Variants in SLC35E1 observed in about 807,000 individuals in gnomAD.
SLC35E1 encodes the protein solute carrier family 35 member E1.
SLC35E1 carries 12 observed loss-of-function variants against 31.0 expected under a neutral mutation model. The observed-to-expected ratio is 0.39, with a 90% CI of 0.25 to 0.63. The LOEUF (loss-of-function observed/expected upper bound fraction) is 0.63, where lower values mean the gene tolerates loss of function less well. Ranked by LOEUF, SLC35E1 falls within the 20% of genes least tolerant of loss-of-function variation. The pLI is 0.52. For missense variants in SLC35E1, 429 were observed against 572.2 expected (o/e 0.75, Z 2.55); for synonymous variants, 257 against 264.1 (o/e 0.97, Z 0.26).
In SLC35E1 at chr19:16,561,213, CAAAAAAAAA is replaced by C. The variant is rs59176175; in HGVS notation, c.756+5310_756+5318del. Among the ~76,000 whole-genome samples, 60 of 24,746 alleles carry C rather than the reference CAAAAAAAAA, an allele frequency of 2.4e-3. No homozygotes were observed. The East Asian group carries it at 0.044, about 18-fold the overall frequency. The allele number at this position is 24,746 out of a possible 152,430, so 16.2% of individuals were successfully genotyped here. A position where few individuals can be genotyped will look rare whatever the true frequency, so the allele number is the denominator to read the frequency against. On this transcript the variant is annotated intron_variant, in intron 4 of 5. Coordinates refer to ENST00000595753, the MANE Select transcript of SLC35E1 (RefSeq NM_024881.5). ...TGGGCAACAGATCAAGACTCCATCT[CAAAAAAAAA>C]AAAAAAAAAAAAAAAAAAAAAGAAA...
In SLC35E1 at chr19:16,571,798, G is replaced by A. The variant is rs1490931047; in HGVS notation, c.421+146C>T. On this transcript the variant is annotated intron_variant, in intron 1 of 5. Transcript: ENST00000595753. The stretch of plus-strand genomic sequence containing the variant: ...TCTTCTCCCTGAGAACCCCGTGCGT[G>A]TCCCTCCCCTACCAAACCCTTGGCA... The A allele has an allele frequency of 6.3e-6, 6 of 952,226 alleles. No homozygotes were observed. The East Asian group carries it at 1.6e-4, about 25-fold the overall frequency. 59.0% of individuals were successfully genotyped at this position (952,226 alleles called of 1,614,324 possible).
intron 4 of SLC35E1, among the ~76,000 whole-genome samples, chr19:16,560,861 C>CA (rs2085901168): frequency 2.9e-5 from 1 of 34,072 alleles, no homozygotes; most frequent in Non-Finnish European, 5.3e-5. Flanking sequence ...GACTCCATCT[C>CA]AAAAACAAAA....
rs2085849918 is a variant in SLC35E1 at position 16,552,348 on chromosome 19, T to TC, written c.*1330_*1331insG. 7.2e-6 allele frequency: 1 copy of TC among 139,138 alleles called. No individual in the cohort carries two copies. The highest frequency in any genetic ancestry group is 2.5e-5 in the African/African-American group (1 of 39,664). 8.6% of individuals were successfully genotyped at this position (139,138 alleles called of 1,614,324 possible). On this transcript the variant is annotated 3_prime_UTR_variant, in exon 6 of 6. Transcript: ENST00000595753. ...CCAGTGGGAACTTGGTTTTGTTTTGTTTTTTTTTTTGAGATGGAGTCTCGC... is the reference window on the plus strand; with the variant it reads ...CCAGTGGGAACTTGGTTTTGTTTTGTCTTTTTTTTTTGAGATGGAGTCTCGC...
chr19:16,557,154 T>C (rs1435649200), intron 4 of SLC35E1: 2 of 344,528 alleles, frequency 5.8e-6, no homozygotes, highest in African/African-American at 4.3e-5. Flanking sequence ...AAAAGATACA[T>C]AATAAAATGG....
intron 3 of SLC35E1, among the ~76,000 whole-genome samples, chr19:16,567,311 G>A (rs1309438892): frequency 6.6e-6 from 1 of 152,072 alleles, no homozygotes; most frequent in Non-Finnish European, 1.5e-5. Context: ...GTGAGCCACT[G>A]CACTAGGCTT....
chr19:16,562,730 T>C (rs1383016047), intron 4 of SLC35E1, among the ~76,000 whole-genome samples: 4 of 152,198 alleles, frequency 2.6e-5, no homozygotes, highest in Admixed American at 6.5e-5. Flanking sequence ...ATTTTTGAGA[T>C]AGGGTCTTGC....
Position 16,555,236 on chromosome 19 carries a change from G to C in SLC35E1, c.918C>G (p.Ser306=). 1 of 1,614,180 alleles carries C rather than the reference G, an allele frequency of 6.2e-7. No homozygotes were observed. The highest frequency in any genetic ancestry group is 8.5e-7 in the Non-Finnish European group (1 of 1,180,034). The change falls in exon 5 of 6, where the codon TCC becomes TCG. Residue 306 remains serine, a synonymous_variant. Coordinates refer to ENST00000595753, the MANE Select transcript of SLC35E1 (RefSeq NM_024881.5). The surrounding 1 kb of genome is among the most constrained non-coding windows in gnomAD (Gnocchi z 4.1). Reference sequence around the variant, plus strand: ...TGACTGGGTTGCGCAGCATGATCAGGGACACCGTGATGACCATGATTCTTT... The same window carrying C: ...TGACTGGGTTGCGCAGCATGATCAGCGACACCGTGATGACCATGATTCTTT... ...ATKRIMVITV[S]LIMLRNPVTS...
At chr19:16,557,858 G>A (rs1191757668) in intron 4 of SLC35E1, among the ~76,000 whole-genome samples, 1 of 152,054 alleles carries the variant, frequency 6.6e-6, no homozygotes, top group Non-Finnish European at 1.5e-5. Flanking sequence ...CTGTCACCTA[G>A]GCTGCAGTGC....
In SLC35E1 at chr19:16,563,746, G is replaced by A. The variant is rs148570017; in HGVS notation, c.756+2786C>T. ...TCCACCTACCTCGGTCTCCTAAAGT[G>A]CTGGGATTCCAGGTGTGAGCCACCA... On this transcript the variant is annotated intron_variant, in intron 4 of 5. Coordinates refer to ENST00000595753, the MANE Select transcript of SLC35E1 (RefSeq NM_024881.5). Among the ~76,000 whole-genome samples, 1,032 of 152,300 alleles carry A rather than the reference G, an allele frequency of 6.8e-3. 12 individuals carry two copies. The highest frequency in any genetic ancestry group is 0.024 in the African/African-American group (984 of 41,566).
chr19:16,561,027 C>T (rs2085902861), intron 4 of SLC35E1, among the ~76,000 whole-genome samples: 1 of 148,226 alleles, frequency 6.7e-6, no homozygotes, highest in East Asian at 2.0e-4. Flanking sequence ...CATGGTGAAA[C>T]CCATCTCTAC....
chr19:16,560,867 C>CAAAAAAAAAACCAAAAAAAAA (rs2085901291), intron 4 of SLC35E1, among the ~76,000 whole-genome samples: 2 of 67,580 alleles, frequency 3.0e-5, no homozygotes, highest in African/African-American at 1.0e-4. Context: ...ATCTCAAAAA[C>CAAAAAAAAAACCAAAAAAAAA]AAAAAAAAAA....
At chr19:16,556,707 C>G (rs1332492099) in intron 4 of SLC35E1, among the ~76,000 whole-genome samples, 1 of 152,202 alleles carries the variant, frequency 6.6e-6, no homozygotes. Flanking sequence ...CCAGGCCACG[C>G]TGACCTTGGC....
chr19:16,559,463 TACACACACACACAC>T (rs61643316), intron 4 of SLC35E1, among the ~76,000 whole-genome samples: 3,739 of 142,392 alleles, frequency 0.026, 141 homozygotes, highest in Admixed American at 0.085. Flanking sequence ...CTACAAAAAA[TACACACACACACAC>T]ACACACACAC....
At position 16,553,844 on chromosome 19, in the gene SLC35E1, G is replaced by A; in HGVS notation, c.1068C>T (p.Ser356=). The change falls in exon 6 of 6, where the codon AGC becomes AGT. Residue 356 remains serine (S), a synonymous_variant. Coordinates refer to ENST00000595753, the MANE Select transcript of SLC35E1 (RefSeq NM_024881.5). ...HLLPVTTADL[S]SKERHRSPLE... ...GTGGGCTCCGGTGACGCTCCTTGCT[G>A]CTCAGGTCTGCTGTGGTGACGGGGA... is the stretch of plus-strand genomic sequence containing the variant. 6.2e-7 allele frequency: 1 copy of A among 1,613,936 alleles called. No individual in the cohort carries two copies. Among genetic ancestry groups the A allele is most frequent in the Non-Finnish European group, 8.5e-7 (1 of 1,179,888 alleles).
intron 4 of SLC35E1, among the ~76,000 whole-genome samples, chr19:16,557,953 A>C (rs954687126): frequency 2.0e-5 from 3 of 152,120 alleles, no homozygotes; most frequent in African/African-American, 7.2e-5. Context: ...AGCTGGGACT[A>C]CAGGCGCCCG....
chr19:16,565,203 TTTTC>T (rs575210349), intron 4 of SLC35E1: 99 of 422,350 alleles, frequency 2.3e-4, no homozygotes, highest in Non-Finnish European at 2.8e-4. Flanking sequence ...AGCTGCACAG[TTTTC>T]TTTCTTTCTT....
intron 5 of SLC35E1, among the ~76,000 whole-genome samples, chr19:16,554,465 G>A (rs985488245): frequency 4.6e-5 from 7 of 151,982 alleles, no homozygotes; most frequent in African/African-American, 1.5e-4. Flanking sequence ...GATCACTTGA[G>A]GCTAGGAGTT....
chr19:16,565,814 C>CTTTTTTTTTTTTT (rs536769066), intron 4 of SLC35E1: 1 of 69,278 alleles, frequency 1.4e-5, no homozygotes, highest in African/African-American at 6.8e-5. Flanking sequence ...CTGCGCCCGG[C>CTTTTTTTTTTTTT]TTTTTTTTTT....
chr19:16,570,673 G>T (rs866582540), intron 2 of SLC35E1, among the ~76,000 whole-genome samples: 1 of 152,138 alleles, frequency 6.6e-6, no homozygotes. Flanking sequence ...TTTCGCTTCC[G>T]TTCCCAGACC....
Sources: allele counts gnomAD v4.1 joint callset (sites outside exome capture counted in the v4.1 genomes callset), GRCh38; gene constraint gnomAD v4.1.1; non-coding constraint Gnocchi (gnomAD v3.1); transcripts MANE v1.5; gene names NCBI Gene and HGNC (gene_info 2026-07-23, HGNC 2026-07-21).